SIPA1L1: variants seen among roughly 807,000 people sequenced by gnomAD.
SIPA1L1 encodes signal induced proliferation associated 1 like 1.
SIPA1L1 carries 26 observed loss-of-function variants against 162.7 expected under a neutral mutation model. The ratio of observed to expected loss-of-function variants is 0.16; its 90% CI spans 0.12 to 0.22. SIPA1L1 has a LOEUF of 0.22. Ranked by LOEUF, SIPA1L1 falls within the 10% of genes least tolerant of loss-of-function variation. SIPA1L1 has a pLI of 1.00. For missense variants in SIPA1L1, 1,874 were observed against 2,241.0 expected (o/e 0.84, Z 3.31); for synonymous variants, 829 against 837.4 (o/e 0.99, Z 0.17).
chr14:71,365,069 C>G (rs1444542211), intron 2 of SIPA1L1, among the ~76,000 whole-genome samples: 1 of 150,152 alleles, frequency 6.7e-6, no homozygotes, highest in Non-Finnish European at 1.5e-5. Context: ...TCTTGTTGCC[C>G]AGGCTGGAGT....
intron 5 of SIPA1L1, among the ~76,000 whole-genome samples, chr14:71,591,261 G>A (rs937094640): frequency 6.6e-6 from 1 of 151,832 alleles, no homozygotes; most frequent in African/African-American, 2.4e-5. Flanking sequence ...TTGATGCCCA[G>A]GAAGGTAGGT....
intron 19 of SIPA1L1, among the ~76,000 whole-genome samples, chr14:71,728,880 C>T (rs929564802): frequency 6.6e-6 from 1 of 152,136 alleles, no homozygotes; most frequent in African/African-American, 2.4e-5. Context: ...CTGCTGTTCT[C>T]AGTGAAGAGA....
intron 7 of SIPA1L1, among the ~76,000 whole-genome samples, chr14:71,645,834 G>A (rs1343945338): frequency 6.6e-6 from 1 of 152,148 alleles, no homozygotes; most frequent in Non-Finnish European, 1.5e-5. Context: ...CCACAAGAAG[G>A]TTCTCAGAGA....
Position 71,658,452 on chromosome 14 carries a change from G to C in SIPA1L1, c.2097+16G>C. ...CAAACAACAGGTAAGAGATCCTCCT[G>C]TTATCTGTGTTTTCACCCTTGTTTC... On this transcript the variant is annotated intron_variant, in intron 9 of 23. Transcript: ENST00000381232. 1 of 1,428,346 alleles carries C rather than the reference G, an allele frequency of 7.0e-7. No homozygotes were observed. Among genetic ancestry groups the C allele is most frequent in the Non-Finnish European group, 9.9e-7 (1 of 1,010,700 alleles). 88.5% of individuals were successfully genotyped at this position (1,428,346 alleles called of 1,614,324 possible).
Position 71,356,567 on chromosome 14 carries a change from C to CAAAAAAA in SIPA1L1, c.-465+35400_-465+35406dup, listed in dbSNP as rs71105772. Among the ~76,000 whole-genome samples, 119 of 39,152 alleles carry CAAAAAAA rather than the reference C, an allele frequency of 3.0e-3. 32 individuals carry two copies. The highest frequency in any genetic ancestry group is 4.4e-3 in the Non-Finnish European group (103 of 23,180). 25.7% of individuals were successfully genotyped at this position (39,152 alleles called of 152,430 possible). Reference sequence around the variant, plus strand: ...GCAACATAGCAAGACCTTGTCTCTACAAAAAAAAAAAAAAAAAAAAGCACA... The same window carrying CAAAAAAA: ...GCAACATAGCAAGACCTTGTCTCTACAAAAAAAAAAAAAAAAAAAAAAAAAAAGCACA... On this transcript the variant is annotated intron_variant, in intron 2 of 23. Coordinates refer to ENST00000381232, the MANE Select transcript of SIPA1L1 (RefSeq NM_001386936.1).
At chr14:71,481,283 A>G (rs927475776) in intron 2 of SIPA1L1, among the ~76,000 whole-genome samples, 6 of 152,180 alleles carry the variant, frequency 3.9e-5, no homozygotes, top group Non-Finnish European at 8.8e-5. Context: ...GTCAGAGACC[A>G]GCCTGGGCAA....
At chr14:71,584,122 A>C (rs1312645620) in intron 4 of SIPA1L1, among the ~76,000 whole-genome samples, 1 of 152,182 alleles carries the variant, frequency 6.6e-6, no homozygotes, top group Non-Finnish European at 1.5e-5. Flanking sequence ...AACCATAGAC[A>C]CCACCTTTTC....
intron 2 of SIPA1L1, among the ~76,000 whole-genome samples, chr14:71,392,955 A>G (rs930722866): frequency 1.3e-5 from 2 of 152,224 alleles, no homozygotes; most frequent in Non-Finnish European, 2.9e-5. Flanking sequence ...TAATTTTTCA[A>G]TGAATGAGTA....
chr14:71,733,940 G>T (rs2085044285), intron 21 of SIPA1L1, 128 bp downstream of exon 21: 2 of 979,690 alleles, frequency 2.0e-6, no homozygotes. Context: ...CAGTTACTGA[G>T]CATTCAGTAG....
At chr14:71,437,995 GT>G (rs2044530680) in intron 2 of SIPA1L1, among the ~76,000 whole-genome samples, 1 of 151,898 alleles carries the variant, frequency 6.6e-6, no homozygotes, top group Admixed American at 6.6e-5. Flanking sequence ...CTCACATACT[GT>G]TTTTTTCAGT....
chr14:71,465,271 G>A (rs893025715), intron 2 of SIPA1L1, among the ~76,000 whole-genome samples: 1 of 152,214 alleles, frequency 6.6e-6, no homozygotes, highest in African/African-American at 2.4e-5. Flanking sequence ...GCTTGTGTCT[G>A]TTTTCCACAA....
At chr14:71,707,237 C>T (rs11846367) in intron 16 of SIPA1L1, among the ~76,000 whole-genome samples, 58,675 of 151,814 alleles carry the variant, frequency 0.39, 11,770 homozygotes, top group East Asian at 0.57. Context: ...TTATTTTATT[C>T]AGATATCTTT....
Position 71,739,047 on chromosome 14 carries a change from G to T in SIPA1L1, c.5238G>T (p.Ala1746=). ...AAGAAGACAAAGCTCACCTTCAGGC[G>T]GAGGTGCAGCACCTGCGAGAGGACA... ...KEKEDKAHLQ[A]EVQHLREDNL... is the part of the protein sequence containing the mutation. The change falls in exon 24 of 24, where the codon GCG becomes GCT. Residue 1746 remains alanine (A), a synonymous_variant. Coordinates refer to ENST00000381232, the MANE Select transcript of SIPA1L1 (RefSeq NM_001386936.1). 1 of 1,613,936 alleles carries T rather than the reference G, an allele frequency of 6.2e-7. No individual in the cohort carries two copies. The highest frequency in any genetic ancestry group is 8.5e-7 in the Non-Finnish European group (1 of 1,179,872).
chr14:71,426,486 C>CTT (rs370856446), intron 2 of SIPA1L1, among the ~76,000 whole-genome samples: 1,336 of 131,982 alleles, frequency 0.01, 19 homozygotes, highest in African/African-American at 0.032. Flanking sequence ...GAATTTCTTT[C>CTT]TTTTTTTTTT....
chr14:71,520,938 C>T (rs112308073), intron 3 of SIPA1L1, among the ~76,000 whole-genome samples: 154 of 151,940 alleles, frequency 1.0e-3, no homozygotes, highest in African/African-American at 3.3e-3. Context: ...TTTTTTTGTA[C>T]GGATGGGGTT....
At chr14:71,509,637 G>A (rs894951004) in intron 2 of SIPA1L1, among the ~76,000 whole-genome samples, 2 of 151,866 alleles carry the variant, frequency 1.3e-5, no homozygotes, top group African/African-American at 4.8e-5. Context: ...CCAGCTACTA[G>A]GGAGGCTGAG....
chr14:71,675,864 C>A (rs749330537), intron 12 of SIPA1L1, among the ~76,000 whole-genome samples: 1 of 152,022 alleles, frequency 6.6e-6, no homozygotes, highest in Non-Finnish European at 1.5e-5. Flanking sequence ...TACAAACACC[C>A]CCAGGATCTA....
At chr14:71,663,801 A>T (rs1204224216) in intron 10 of SIPA1L1, among the ~76,000 whole-genome samples, 2 of 152,206 alleles carry the variant, frequency 1.3e-5, no homozygotes, top group South Asian at 4.1e-4. Flanking sequence ...TGCTCAAGAC[A>T]TGTGGGCAGG....
intron 2 of SIPA1L1, among the ~76,000 whole-genome samples, chr14:71,370,376 T>G (rs1188111803): frequency 2.0e-5 from 3 of 151,994 alleles, no homozygotes; most frequent in African/African-American, 7.3e-5. Context: ...GCATGAAGGG[T>G]TGTTGAATTT....
Sources: gnomAD v4.1 joint callset for allele counts (sites outside exome capture counted in the v4.1 genomes callset) on GRCh38, gnomAD v4.1.1 for gene constraint, MANE v1.5 for transcripts, NCBI Gene and HGNC (gene_info 2026-07-23, HGNC 2026-07-21) for gene names.